Variants in TCERG1L observed in about 807,000 individuals in gnomAD.
TCERG1L encodes transcription elongation regulator 1-like protein.
TCERG1L carries 37 observed loss-of-function variants against 56.3 expected under a neutral mutation model. The observed-to-expected ratio is 0.66, with a 90% CI of 0.51 to 0.87. The LOEUF is 0.87. TCERG1L is among the 40% of genes least tolerant of loss of function. The pLI is 0.00. For missense variants in TCERG1L, 799 were observed against 774.2 expected (o/e 1.03, Z -0.38); for synonymous variants, 324 against 326.3 (o/e 0.99, Z 0.08).
intron 4 of TCERG1L, among the ~76,000 whole-genome samples, chr10:131,259,044 A>G (rs1413594427): frequency 1.3e-5 from 2 of 152,212 alleles, no homozygotes; most frequent in African/African-American, 2.4e-5. Flanking sequence ...GTTCACTGAC[A>G]TGCTGACATA....
At chr10:131,240,993 C>A (rs1056872632) in intron 4 of TCERG1L, among the ~76,000 whole-genome samples, 2 of 152,182 alleles carry the variant, frequency 1.3e-5, no homozygotes, top group Non-Finnish European at 2.9e-5. Context: ...CCTCCTTCAC[C>A]GGGAAAGCAC....
intron 3 of TCERG1L, among the ~76,000 whole-genome samples, chr10:131,271,540 G>C (rs1846339528): frequency 6.6e-6 from 1 of 152,248 alleles, no homozygotes; most frequent in Non-Finnish European, 1.5e-5. Context: ...CCCAAAAGGA[G>C]CGTGCTGGCG....
intron 3 of TCERG1L, among the ~76,000 whole-genome samples, chr10:131,261,973 C>T (rs188305804): frequency 2.0e-5 from 3 of 152,314 alleles, no homozygotes; most frequent in African/African-American, 4.8e-5. Flanking sequence ...GCGAAGGCCC[C>T]GTGGCCAGTG....
At chr10:131,108,401 C>T (rs1845375593) in intron 9 of TCERG1L, among the ~76,000 whole-genome samples, 3 of 151,714 alleles carry the variant, frequency 2.0e-5, no homozygotes, top group South Asian at 4.2e-4. Context: ...TCACAAGGCA[C>T]CCTCATCTTC....
At chr10:131,236,203 C>G (rs11598308) in intron 4 of TCERG1L, among the ~76,000 whole-genome samples, 1 of 152,182 alleles carries the variant, frequency 6.6e-6, no homozygotes, top group African/African-American at 2.4e-5. Flanking sequence ...CATTGATCCT[C>G]CAGTCCTATA....
At chr10:131,175,914 C>T (rs1049309811) in intron 4 of TCERG1L, among the ~76,000 whole-genome samples, 1 of 152,276 alleles carries the variant, frequency 6.6e-6, no homozygotes, top group Middle Eastern at 3.4e-3. Context: ...TTCATGTGAA[C>T]TTGTAGCCAT....
chr10:131,140,282 C>T (rs890014613), intron 7 of TCERG1L, among the ~76,000 whole-genome samples: 6 of 152,152 alleles, frequency 3.9e-5, no homozygotes, highest in Non-Finnish European at 8.8e-5. Context: ...GGTGATACCC[C>T]CACCCCTGCT....
chr10:131,298,958 G>A (rs1235368724), intron 3 of TCERG1L, among the ~76,000 whole-genome samples: 2 of 152,088 alleles, frequency 1.3e-5, no homozygotes, highest in East Asian at 1.9e-4. Flanking sequence ...CTGTAAACAC[G>A]ATTGTCTATT....
chr10:131,195,905 C>T (rs1408769606), intron 4 of TCERG1L, among the ~76,000 whole-genome samples: 1 of 152,240 alleles, frequency 6.6e-6, no homozygotes, highest in Non-Finnish European at 1.5e-5. Context: ...TGCACCCTGT[C>T]CCCACTGGCC....
intron 3 of TCERG1L, among the ~76,000 whole-genome samples, chr10:131,283,866 G>A (rs1846491137): frequency 6.6e-6 from 1 of 152,046 alleles, no homozygotes; most frequent in Non-Finnish European, 1.5e-5. Context: ...TGGGCACAGT[G>A]GCTCCCATCA....
chr10:131,292,815 G>A (rs755023814), intron 3 of TCERG1L, among the ~76,000 whole-genome samples: 3 of 150,310 alleles, frequency 2.0e-5, no homozygotes, highest in Non-Finnish European at 3.0e-5. Context: ...ATGTGTTTTC[G>A]TGTCCATGAG....
At chr10:131,177,313 G>A (rs965862696) in intron 4 of TCERG1L, among the ~76,000 whole-genome samples, 7 of 152,208 alleles carry the variant, frequency 4.6e-5, no homozygotes, top group Admixed American at 1.3e-4. Context: ...ATGGCTTTTC[G>A]GCCACCTGTC....
chr10:131,277,881 G>C (rs143514660), intron 3 of TCERG1L, among the ~76,000 whole-genome samples: 1,597 of 152,264 alleles, frequency 0.01, 9 homozygotes, highest in Non-Finnish European at 0.018. Flanking sequence ...CTCCTGAGCC[G>C]GGAGAGCCAC....
At chr10:131,309,893 C>T (rs1435957425) in intron 1 of TCERG1L, among the ~76,000 whole-genome samples, 1 of 112,792 alleles carries the variant, frequency 8.9e-6, no homozygotes, top group East Asian at 2.6e-4. Flanking sequence ...TCTCAATACA[C>T]AGAATAAAAC....
intron 4 of TCERG1L, among the ~76,000 whole-genome samples, chr10:131,170,425 A>C (rs1375316807): frequency 6.6e-6 from 1 of 152,066 alleles, no homozygotes; most frequent in Non-Finnish European, 1.5e-5. Flanking sequence ...GGGAGCATGC[A>C]ATGTATTTCC....
At chr10:131,270,573 C>T (rs1276460534) in intron 3 of TCERG1L, among the ~76,000 whole-genome samples, 1 of 152,204 alleles carries the variant, frequency 6.6e-6, no homozygotes. Flanking sequence ...GGAGAGGGTG[C>T]GGAGCCAACA....
intron 4 of TCERG1L, among the ~76,000 whole-genome samples, chr10:131,190,421 A>AGCTACTCCCCAACCTTCTCC (rs1357510566): frequency 6.8e-6 from 1 of 146,324 alleles, no homozygotes; most frequent in Non-Finnish European, 1.5e-5. Flanking sequence ...AAATCATTCT[A>AGCTACTCCCCAACCTTCTCC]TGAAGCTAGT....
chr10:131,172,879 T>A (rs1846108287), intron 4 of TCERG1L, among the ~76,000 whole-genome samples: 1 of 148,012 alleles, frequency 6.8e-6, no homozygotes, highest in African/African-American at 2.6e-5. Flanking sequence ...GTAGAGAGAA[T>A]AATCAATGAT....
At chr10:131,170,130 C>A (rs2918152) in intron 4 of TCERG1L, among the ~76,000 whole-genome samples, 20,583 of 152,130 alleles carry the variant, frequency 0.14, 1,424 homozygotes, top group East Asian at 0.23. Context: ...GGCACTCTTT[C>A]ACAGTCATTG....
Sources: allele counts gnomAD v4.1 joint callset (sites outside exome capture counted in the v4.1 genomes callset), GRCh38; gene constraint gnomAD v4.1.1; transcripts MANE v1.5; gene names NCBI Gene and HGNC (gene_info 2026-07-23, HGNC 2026-07-21).